Variants in CDH13 observed in about 807,000 individuals in gnomAD.
The protein encoded by CDH13 is cadherin 13.
In CDH13, 24 loss-of-function variants were observed where a neutral mutation model predicts 63.8. The ratio of observed to expected loss-of-function variants is 0.38; its 90% CI spans 0.27 to 0.53. The LOEUF is 0.53. Among genes scored for constraint, CDH13 ranks in the 20% least tolerant of loss-of-function variants. CDH13 has a pLI of 0.85. For missense variants in CDH13, 1,049 were observed against 903.1 expected (o/e 1.16, Z -2.07); for synonymous variants, 503 against 355.3 (o/e 1.42, Z -4.67).
chr16:83,283,200 A>G (rs2089224386), intron 5 of CDH13, among the ~76,000 whole-genome samples: 1 of 152,162 alleles, frequency 6.6e-6, no homozygotes, highest in South Asian at 2.1e-4. Flanking sequence ...GAATGTTTGA[A>G]TTACCTGTGG....
intron 2 of CDH13, among the ~76,000 whole-genome samples, chr16:83,031,728 A>G (rs528380708): frequency 6.0e-4 from 92 of 152,238 alleles, no homozygotes; most frequent in Non-Finnish European, 1.0e-3. Flanking sequence ...ACTCTGCCAG[A>G]TCTGACTCTT....
intron 6 of CDH13, among the ~76,000 whole-genome samples, chr16:83,435,307 G>C (rs1178112817): frequency 6.6e-6 from 1 of 152,090 alleles, no homozygotes; most frequent in African/African-American, 2.4e-5. Flanking sequence ...GCCTCCCAAA[G>C]GGCTGGGATT....
At chr16:83,336,736 C>G (rs1452438833) in intron 5 of CDH13, among the ~76,000 whole-genome samples, 1 of 152,186 alleles carries the variant, frequency 6.6e-6, no homozygotes, top group Non-Finnish European at 1.5e-5. Context: ...AAACTGTTTT[C>G]TAAATCATTT....
At chr16:83,399,463 C>T (rs2091934907) in intron 6 of CDH13, among the ~76,000 whole-genome samples, 1 of 152,200 alleles carries the variant, frequency 6.6e-6, no homozygotes. Context: ...TCCCATCTGT[C>T]AGATGGCCTT....
intron 8 of CDH13, among the ~76,000 whole-genome samples, chr16:83,649,317 A>T (rs138013460): frequency 8.9e-4 from 136 of 152,338 alleles, no homozygotes; most frequent in Middle Eastern, 3.4e-3. Context: ...CTTGATTGCA[A>T]ATAAATTTAC....
chr16:82,858,314 C>A, intron 1 of CDH13, 48 bp from the exon 2 acceptor site: 1 of 1,284,462 alleles, frequency 7.8e-7, no homozygotes. Flanking sequence ...GTTAGCAGGG[C>A]AAACACATAA....
chr16:82,972,076 AAG>A (rs1908838858), intron 2 of CDH13, among the ~76,000 whole-genome samples: 2 of 152,234 alleles, frequency 1.3e-5, no homozygotes, highest in South Asian at 2.1e-4. Context: ...TTTTTATCAG[AAG>A]AGAGTCTACC....
intron 10 of CDH13, 47 bp from the exon 11 acceptor site, chr16:83,748,061 G>A: frequency 6.2e-7 from 1 of 1,608,906 alleles, no homozygotes; most frequent in South Asian, 1.1e-5. Context: ...AATGTTTCTT[G>A]AATCTACTTT....
chr16:82,863,336 A>G (rs1292164719), intron 2 of CDH13, among the ~76,000 whole-genome samples: 1 of 152,192 alleles, frequency 6.6e-6, no homozygotes, highest in Non-Finnish European at 1.5e-5. Context: ...AAACACTATA[A>G]GCTCCTCTCC....
At chr16:82,891,916 A>G (rs7186665) in intron 2 of CDH13, among the ~76,000 whole-genome samples, 59,557 of 152,014 alleles carry the variant, frequency 0.39, 12,238 homozygotes, top group African/African-American at 0.43. Context: ...TTAAATATAG[A>G]TGAGGAAATT....
chr16:83,688,401 A>C (rs578001746), intron 10 of CDH13, among the ~76,000 whole-genome samples: 34 of 152,356 alleles, frequency 2.2e-4, no homozygotes, highest in African/African-American at 6.7e-4. Flanking sequence ...CTAATCCCAA[A>C]ACCAGGTTTC....
intron 5 of CDH13, among the ~76,000 whole-genome samples, chr16:83,343,326 A>G (rs1227004286): frequency 6.6e-6 from 1 of 152,174 alleles, no homozygotes; most frequent in Non-Finnish European, 1.5e-5. Flanking sequence ...ATAAAGTTTA[A>G]AAATTATTGT....
intron 1 of CDH13, among the ~76,000 whole-genome samples, chr16:82,636,430 A>G (rs1231695060): frequency 6.6e-6 from 1 of 152,194 alleles, no homozygotes; most frequent in Admixed American, 6.5e-5. Flanking sequence ...GAATAAAGTG[A>G]CCGACGTGCA....
chr16:83,158,123 G>T (rs56411024), intron 4 of CDH13, among the ~76,000 whole-genome samples: 5,808 of 151,968 alleles, frequency 0.038, 175 homozygotes, highest in Non-Finnish European at 0.05. Context: ...AAATTCAGGG[G>T]ATAAGATCAG....
chr16:83,103,435 G>A (rs1450910010), intron 3 of CDH13, among the ~76,000 whole-genome samples: 2 of 151,032 alleles, frequency 1.3e-5, no homozygotes, highest in Non-Finnish European at 2.9e-5. Context: ...TAGTAGAGAT[G>A]GGGTTTCACC....
intron 1 of CDH13, among the ~76,000 whole-genome samples, chr16:82,646,745 C>T (rs1249436073): frequency 6.6e-6 from 1 of 152,082 alleles, no homozygotes; most frequent in Non-Finnish European, 1.5e-5. Context: ...ATGTCAGTAG[C>T]AGGCATGGGC....
chr16:83,317,209 C>A (rs1488058522), intron 5 of CDH13, among the ~76,000 whole-genome samples: 1 of 152,184 alleles, frequency 6.6e-6, no homozygotes, highest in Non-Finnish European at 1.5e-5. Flanking sequence ...AAGCCCAAGG[C>A]AAACTTCTAT....
chr16:83,491,532 A>G (rs1453376517), intron 7 of CDH13, among the ~76,000 whole-genome samples: 1 of 151,308 alleles, frequency 6.6e-6, no homozygotes, highest in Non-Finnish European at 1.5e-5. Context: ...GAACACAGCC[A>G]CAATTTGCAA....
intron 1 of CDH13, among the ~76,000 whole-genome samples, chr16:82,855,330 G>C (rs286679): frequency 0.89 from 136,228 of 152,266 alleles, 61,805 homozygotes; most frequent in Non-Finnish European, 0.97. Context: ...ACTAACTGTG[G>C]TTTCTCTCAG....
Sources: gnomAD v4.1 joint callset for allele counts (sites outside exome capture counted in the v4.1 genomes callset) on GRCh38, gnomAD v4.1.1 for gene constraint, MANE v1.5 for transcripts, NCBI Gene and HGNC (gene_info 2026-07-23, HGNC 2026-07-21) for gene names.